Variants in OLFM1 observed in about 807,000 individuals in gnomAD.
OLFM1 encodes the protein olfactomedin 1.
OLFM1 carries 9 observed loss-of-function variants against 49.7 expected under a neutral mutation model. That is an observed-to-expected ratio of 0.18 (90% CI 0.11 to 0.32). The LOEUF is 0.32. Among genes scored for constraint, OLFM1 ranks in the 10% least tolerant of loss-of-function variants. The pLI, the probability that OLFM1 is intolerant of heterozygous loss-of-function variation, is 1.00. For synonymous variants in OLFM1, 240 were observed against 271.8 expected (o/e 0.88, Z 1.15); for missense variants, 369 against 661.8 (o/e 0.56, Z 4.85).
At chr9:135,116,598 T>C (rs1831099653) in intron 5 of OLFM1, among the ~76,000 whole-genome samples, 1 of 152,044 alleles carries the variant, frequency 6.6e-6, no homozygotes, top group South Asian at 2.1e-4. Flanking sequence ...GTGTTCTGTG[T>C]GCTGCGATGG....
At chr9:135,077,134 A>G in intron 1 of OLFM1, 2 of 1,550,142 alleles carry the variant, frequency 1.3e-6, no homozygotes, top group Non-Finnish European at 1.7e-6. Context: ...TGCTGGACAG[A>G]TGCATTCATT....
At chr9:135,084,513 CTCTG>C (rs1349634636), upstream of OLFM1, among the ~76,000 whole-genome samples, 9 of 151,538 alleles carry the variant, frequency 5.9e-5, no homozygotes, top group East Asian at 9.8e-4. The surrounding 1 kb of genome is among the most constrained non-coding windows in gnomAD (Gnocchi z 4.6). Flanking sequence ...TCTCCTCTCT[CTCTG>C]TCTCTCTCTC....
At position 135,117,442 on chromosome 9, in the gene OLFM1, T is replaced by G. The variant is rs1437106461; in HGVS notation, c.784-2062T>G. On this transcript the variant is annotated intron_variant, in intron 5 of 5. Transcript: ENST00000371793. The surrounding 1 kb of genome is among the most constrained non-coding windows in gnomAD (Gnocchi z 5.5). ...CTCAGTCCGTGCCGCAGCGATGGCT[T>G]GGTGGGAGGAGAGGCCTTGAGCGTG... is the stretch of plus-strand genomic sequence containing the variant. Among the ~76,000 whole-genome samples, 2 of 152,196 alleles carry G rather than the reference T, an allele frequency of 1.3e-5. No homozygotes were observed. The highest frequency in any genetic ancestry group is 4.8e-5 in the African/African-American group (2 of 41,452).
rs115682070 is a variant in OLFM1, at chr9:135,118,994, C to T, written c.784-510C>T. Among the ~76,000 whole-genome samples the T allele has an allele frequency of 6.1e-3, 689 of 113,372 alleles. 5 individuals carry two copies. The highest frequency in any genetic ancestry group is 0.023 in the African/African-American group (652 of 28,650). 74.4% of individuals were successfully genotyped at this position (113,372 alleles called of 152,430 possible). A position where few individuals can be genotyped will look rare whatever the true frequency, so the allele number is the denominator to read the frequency against. Reference sequence around the variant, plus strand: ...CTCGCCGGGTCTTTGGCATGCTCGCCGGGTCTTTGGAGTACTCACTGGATC... The same window carrying T: ...CTCGCCGGGTCTTTGGCATGCTCGCTGGGTCTTTGGAGTACTCACTGGATC... On this transcript the variant is annotated intron_variant, in intron 5 of 5. Transcript: ENST00000371793.
Position 135,120,351 on chromosome 9 carries a change from G to T in OLFM1, c.*173G>T. 1.5e-6 allele frequency: 1 copy of T among 656,748 alleles called. No individual in the cohort carries two copies. The highest frequency in any genetic ancestry group is 2.5e-6 in the Non-Finnish European group (1 of 393,528). 40.7% of individuals were successfully genotyped at this position (656,748 alleles called of 1,614,324 possible). On this transcript the variant is annotated 3_prime_UTR_variant, in exon 6 of 6. Coordinates refer to ENST00000371793, the MANE Select transcript of OLFM1 (RefSeq NM_001282611.2). Reference sequence around the variant, plus strand: ...CCTCCGTGTTTCTCCCTTTCGAGCCGGCGGGCCACAGACGTCGGAAGAAAC... The same window carrying T: ...CCTCCGTGTTTCTCCCTTTCGAGCCTGCGGGCCACAGACGTCGGAAGAAAC...
intron 1 of OLFM1, chr9:135,076,566 G>C (rs1052546658): frequency 9.2e-7 from 1 of 1,089,346 alleles, no homozygotes; most frequent in Non-Finnish European, 1.3e-6. Context: ...GTCTGTGAGC[G>C]CCGAACTGGG....
chr9:135,093,954 G>A (rs1333861060), intron 2 of OLFM1, among the ~76,000 whole-genome samples: 1 of 152,192 alleles, frequency 6.6e-6, no homozygotes, highest in Non-Finnish European at 1.5e-5. Flanking sequence ...TAAATCTAAA[G>A]TCTAATCTTT....
intron 5 of OLFM1, among the ~76,000 whole-genome samples, chr9:135,108,758 C>G (rs1005426398): frequency 2.6e-5 from 4 of 152,338 alleles, no homozygotes; most frequent in Admixed American, 1.3e-4. Flanking sequence ...CAGCCATCTG[C>G]GTGCCCTTCC....
chr9:135,087,311 C>G (rs971942968), upstream of OLFM1: 3 of 1,522,670 alleles, frequency 2.0e-6, no homozygotes, highest in Admixed American at 4.0e-5. Context: ...GTCTCTCTGC[C>G]GGCAACCTTT....
intron 1 of OLFM1, among the ~76,000 whole-genome samples, chr9:135,079,100 C>T (rs1830502314): frequency 6.6e-6 from 1 of 152,208 alleles, no homozygotes; most frequent in Non-Finnish European, 1.5e-5. Flanking sequence ...TAAGTGAGTC[C>T]AAACCCTTGC....
intron 1 of OLFM1, chr9:135,077,202 G>C: frequency 6.5e-7 from 1 of 1,528,246 alleles, no homozygotes; most frequent in Non-Finnish European, 8.8e-7. Context: ...CTGCAGAGAA[G>C]AGCCAACCAG....
In OLFM1 at chr9:135,098,019, A is replaced by AG; in HGVS notation, c.457-266dup. On this transcript the variant is annotated intron_variant, in intron 3 of 5. Coordinates refer to ENST00000371793, the MANE Select transcript of OLFM1 (RefSeq NM_001282611.2). The surrounding 1 kb of genome is among the most constrained non-coding windows in gnomAD (Gnocchi z 5.6). ...TGTCAATGCATTTTTTGAAAAAGAA[A>AG]GAAAAAAAAAACTTCGTGTATGTGA... 1 of 1,416,574 alleles carries AG rather than the reference A, an allele frequency of 7.1e-7. No individual in the cohort carries two copies. Among genetic ancestry groups the AG allele is most frequent in the Non-Finnish European group, 9.2e-7 (1 of 1,092,614 alleles). 87.8% of individuals were successfully genotyped at this position (1,416,574 alleles called of 1,614,324 possible).
At chr9:135,092,760 C>T (rs1830733692) in intron 2 of OLFM1, among the ~76,000 whole-genome samples, 1 of 152,212 alleles carries the variant, frequency 6.6e-6, no homozygotes, top group South Asian at 2.1e-4. Context: ...AGCATTACTG[C>T]TTAAAAATTT....
intron 4 of OLFM1, among the ~76,000 whole-genome samples, chr9:135,099,516 A>G (rs1319143686): frequency 6.6e-6 from 1 of 152,212 alleles, no homozygotes; most frequent in Non-Finnish European, 1.5e-5. Flanking sequence ...AGGTGAAGAG[A>G]GAGAATATTC....
In OLFM1 at chr9:135,087,834, G is replaced by GGGCGGC; in HGVS notation, c.-144_-139dup. The GGGCGGC allele has an allele frequency of 2.2e-6, 2 of 923,900 alleles. No individual in the cohort carries two copies. Among genetic ancestry groups the GGGCGGC allele is most frequent in the Non-Finnish European group, 2.6e-6 (2 of 776,526 alleles). The allele number at this position is 923,900 out of a possible 1,614,324, so 57.2% of individuals were successfully genotyped here. ...GGCGCGGCGATGGCCGGGGCGCGCG[G>GGGCGGC]GGCGGCGGCGGCGGCGGGCGGGCGG... is the stretch of plus-strand genomic sequence containing the variant. On this transcript the variant is annotated 5_prime_UTR_variant, in exon 1 of 6. Transcript: ENST00000371793.
At chr9:135,101,856 T>C (rs1383610734) in intron 4 of OLFM1, among the ~76,000 whole-genome samples, 1 of 152,228 alleles carries the variant, frequency 6.6e-6, no homozygotes, top group Admixed American at 6.5e-5. Flanking sequence ...CGTGGTCCTC[T>C]CTATAAATGA....
chr9:135,095,838 T>G (rs773092906), intron 2 of OLFM1, 26 bp from the exon 3 acceptor site: 1 of 1,610,542 alleles, frequency 6.2e-7, no homozygotes, highest in South Asian at 1.1e-5. Flanking sequence ...GCGGCTGTTT[T>G]GCTGAACCTG....
intron 2 of OLFM1, among the ~76,000 whole-genome samples, chr9:135,094,643 C>G (rs1213087644): frequency 1.3e-5 from 2 of 152,030 alleles, no homozygotes; most frequent in Non-Finnish European, 2.9e-5. Context: ...TTTCTGATAA[C>G]AAGATATGAA....
At chr9:135,076,327 C>G (rs1414503418) in intron 1 of OLFM1, 7 of 1,549,740 alleles carry the variant, frequency 4.5e-6, no homozygotes, top group Admixed American at 2.0e-5. Context: ...GCGTGCCGGC[C>G]AGCTGTGTGC....
Sources: gnomAD v4.1 joint callset for allele counts (sites outside exome capture counted in the v4.1 genomes callset) on GRCh38, gnomAD v4.1.1 for gene constraint, Gnocchi (gnomAD v3.1) non-coding constraint, MANE v1.5 for transcripts, NCBI Gene and HGNC (gene_info 2026-07-23, HGNC 2026-07-21) for gene names.